The following MRTFB variants were observed in gnomAD, a reference collection of about 807,000 sequenced individuals.
MRTFB encodes the protein myocardin related transcription factor B, also known as myocardin-related transcription factor B.
Under a neutral mutation model 104.2 loss-of-function variants are expected in MRTFB, and 29 were observed. That is an observed-to-expected ratio of 0.28 (90% confidence interval 0.21 to 0.38). MRTFB has a LOEUF of 0.38. MRTFB is among the 10% of genes least tolerant of loss of function. MRTFB has a pLI of 1.00. For missense variants in MRTFB, 1,270 were observed against 1,341.6 expected (o/e 0.95, Z 0.83); for synonymous variants, 535 against 519.5 (o/e 1.03, Z -0.41).
the MRTFB span, among the ~76,000 whole-genome samples, chr16:14,021,289 T>A: frequency 6.6e-6 from 1 of 152,190 alleles, no homozygotes; most frequent in Non-Finnish European, 1.5e-5. Flanking sequence ...AGGACTGAGG[T>A]GACTCTTTTC....
chr16:14,235,824 G>A (rs1030096415), intron 9 of MRTFB, among the ~76,000 whole-genome samples: 5 of 152,134 alleles, frequency 3.3e-5, no homozygotes, highest in Non-Finnish European at 5.9e-5. Flanking sequence ...TACTCGAACC[G>A]CATTTTGAGT....
At chr16:14,164,208 C>G (rs572842177) in intron 3 of MRTFB, among the ~76,000 whole-genome samples, 1 of 152,156 alleles carries the variant, frequency 6.6e-6, no homozygotes, top group Admixed American at 6.5e-5. Flanking sequence ...CCCCAGCACC[C>G]GCCCCACACT....
chr16:14,042,130 T>G, the MRTFB span, among the ~76,000 whole-genome samples: 1 of 141,222 alleles, frequency 7.1e-6, no homozygotes, highest in African/African-American at 3.2e-5. Context: ...TTCTGGGTTG[T>G]TTGTTTGTTT....
chr16:14,087,366 A>G (rs1345758890), intron 2 of MRTFB, among the ~76,000 whole-genome samples: 1 of 151,980 alleles, frequency 6.6e-6, no homozygotes, highest in Non-Finnish European at 1.5e-5. Context: ...TTCCTTCCTA[A>G]CTCTGGGCAC....
intron 11 of MRTFB, 118 bp from the exon 12 acceptor site, chr16:14,246,355 G>A (rs2043016777): frequency 3.3e-6 from 3 of 909,346 alleles, no homozygotes; most frequent in East Asian, 2.6e-5. Flanking sequence ...TCTACTTTCA[G>A]GTGTGCCGTA....
chr16:14,238,161 G>A (rs1229192503), intron 9 of MRTFB, among the ~76,000 whole-genome samples: 1 of 152,158 alleles, frequency 6.6e-6, no homozygotes, highest in African/African-American at 2.4e-5. Flanking sequence ...GGTGGAGGTT[G>A]CTAGGGGTAT....
At chr16:14,053,908 A>G in the MRTFB span, among the ~76,000 whole-genome samples, 1 of 152,300 alleles carries the variant, frequency 6.6e-6, no homozygotes, top group East Asian at 1.9e-4. Context: ...TACACACACA[A>G]GCAAACATGG....
chr16:14,047,682 C>G, the MRTFB span, among the ~76,000 whole-genome samples: 30 of 152,136 alleles, frequency 2.0e-4, no homozygotes, highest in African/African-American at 7.2e-4. Context: ...CTTATAAAAC[C>G]ATCAGAACTC....
At chr16:14,000,086 TG>T in the MRTFB span, among the ~76,000 whole-genome samples, 1 of 151,892 alleles carries the variant, frequency 6.6e-6, no homozygotes, top group Admixed American at 6.6e-5. Flanking sequence ...GTTGCCACAT[TG>T]GGGTGGGGGC....
chr16:14,028,108 C>T, the MRTFB span, among the ~76,000 whole-genome samples: 5 of 152,198 alleles, frequency 3.3e-5, no homozygotes, highest in African/African-American at 9.6e-5. Context: ...ACCCAAGAGG[C>T]GGAGGCTACA....
intron 1 of MRTFB, among the ~76,000 whole-genome samples, chr16:14,076,797 C>T (rs1028000105): frequency 2.0e-5 from 3 of 152,132 alleles, no homozygotes; most frequent in Non-Finnish European, 4.4e-5. Context: ...GTAACCTCTC[C>T]AACAGTTAAC....
the MRTFB span, among the ~76,000 whole-genome samples, chr16:14,054,211 T>A: frequency 1.3e-5 from 2 of 152,142 alleles, no homozygotes; most frequent in Admixed American, 6.5e-5. Flanking sequence ...TTTTCTTTTT[T>A]AATTTTATTT....
At position 14,243,864 on chromosome 16, in the gene MRTFB, G is replaced by GTTTTTTTTTTTTTTTTTTTTTTTTTTTTT. The variant is rs56296807; in HGVS notation, c.1080-1651_1080-1650insTTTTTTTTTTTTTTTTTTTTTTTTTTTTT. Among the ~76,000 whole-genome samples, 6 of 124,644 alleles carry GTTTTTTTTTTTTTTTTTTTTTTTTTTTTT rather than the reference G, an allele frequency of 4.8e-5. 1 individual carries two copies. The highest frequency in any genetic ancestry group is 1.9e-4 in the African/African-American group (5 of 26,474). The allele number at this position is 124,644 out of a possible 152,430, so 81.8% of individuals were successfully genotyped here. A position where few individuals can be genotyped will look rare whatever the true frequency, so the allele number is the denominator to read the frequency against. Reference sequence around the variant, plus strand: ...CAGAGATTAGTTTTGCCTGTTTTGGGTTTTTTTTTTTTTGAGACAGAGTCT... The same window carrying GTTTTTTTTTTTTTTTTTTTTTTTTTTTTT: ...CAGAGATTAGTTTTGCCTGTTTTGGGTTTTTTTTTTTTTTTTTTTTTTTTTTTTTTTTTTTTTTTTTTGAGACAGAGTCT... On this transcript the variant is annotated intron_variant, in intron 10 of 16. Coordinates refer to ENST00000571589, the MANE Select transcript of MRTFB (RefSeq NM_001308142.2).
intron 3 of MRTFB, among the ~76,000 whole-genome samples, chr16:14,205,829 T>C (rs1027512125): frequency 1.3e-5 from 2 of 152,224 alleles, no homozygotes; most frequent in African/African-American, 4.8e-5. Flanking sequence ...GAGGCTATGA[T>C]GTCAACCCAA....
chr16:14,225,677 C>CATTT lies in MRTFB; in HGVS notation c.693+6682_693+6683insTATT, dbSNP rs549575930. Among the ~76,000 whole-genome samples the CATTT allele has an allele frequency of 4.2e-3, 641 of 152,260 alleles. 3 individuals are homozygous for CATTT. The highest frequency in any genetic ancestry group is 0.015 in the African/African-American group (613 of 41,538). On this transcript the variant is annotated intron_variant, in intron 8 of 16. Transcript: ENST00000571589. ...GAAAGCATTCATTCATTCATTCATT[C>CATTT]ATTCATTCATTCATTCATGCCTGGC... is the stretch of plus-strand genomic sequence containing the variant.
intron 8 of MRTFB, among the ~76,000 whole-genome samples, chr16:14,221,371 G>A (rs1034989238): frequency 5.9e-5 from 9 of 152,182 alleles, no homozygotes; most frequent in African/African-American, 7.2e-5. Flanking sequence ...TTGACACATT[G>A]CTTCTCCTTA....
chr16:14,016,993 T>C, the MRTFB span, among the ~76,000 whole-genome samples: 1 of 151,848 alleles, frequency 6.6e-6, no homozygotes, highest in East Asian at 1.9e-4. Context: ...TTCTGAGATG[T>C]AATCATATTC....
intron 3 of MRTFB, among the ~76,000 whole-genome samples, chr16:14,194,561 A>T (rs1386583313): frequency 6.6e-6 from 1 of 152,246 alleles, no homozygotes; most frequent in Non-Finnish European, 1.5e-5. Flanking sequence ...TATTGATGTA[A>T]GAACTTTTTC....
At chr16:14,006,141 G>C in the MRTFB span, among the ~76,000 whole-genome samples, 2 of 152,078 alleles carry the variant, frequency 1.3e-5, no homozygotes, top group Non-Finnish European at 2.9e-5. Context: ...TCAAGAGTTC[G>C]AGACCAGCCT....
Sources: allele counts gnomAD v4.1 joint callset (sites outside exome capture counted in the v4.1 genomes callset), GRCh38; gene constraint gnomAD v4.1.1; transcripts MANE v1.5; gene names NCBI Gene and HGNC (gene_info 2026-07-23, HGNC 2026-07-21).